The following FNDC3A variants were observed in gnomAD, a reference collection of about 807,000 sequenced individuals.
The protein encoded by FNDC3A is fibronectin type-III domain-containing protein 3A.
In FNDC3A, 32 loss-of-function variants were observed where a neutral mutation model predicts 148.9. That is an observed-to-expected ratio of 0.21 (90% CI 0.16 to 0.29). FNDC3A has a LOEUF of 0.29. Ranked by LOEUF, FNDC3A falls within the 10% of genes least tolerant of loss-of-function variation. FNDC3A has a pLI of 1.00. For missense variants in FNDC3A, 1,191 were observed against 1,452.8 expected, an observed-to-expected ratio of 0.82 and a Z score of 2.93; for synonymous variants, 472 against 473.6, an observed-to-expected ratio of 1.00 and a Z score of 0.04.
At chr13:49,189,862 C>T (rs1170332971) in intron 17 of FNDC3A, among the ~76,000 whole-genome samples, 1 of 152,150 alleles carries the variant, frequency 6.6e-6, no homozygotes, top group Admixed American at 6.5e-5. Flanking sequence ...TAATATGTTG[C>T]AAGTAAGTAA....
chr13:49,027,798 G>T (rs539395772), intron 2 of FNDC3A, among the ~76,000 whole-genome samples: 1 of 152,134 alleles, frequency 6.6e-6, no homozygotes, highest in South Asian at 2.1e-4. Context: ...GAACAAAAAA[G>T]ATATAATATC....
Position 49,006,293 on chromosome 13 carries a change from A to T in FNDC3A, c.99+4A>T, listed in dbSNP as rs1566185925. 3 of 1,531,394 alleles carry T rather than the reference A, an allele frequency of 2.0e-6. No homozygotes were observed. The highest frequency in any genetic ancestry group is 2.3e-5 in the South Asian group (2 of 88,564). 94.9% of individuals were successfully genotyped at this position (1,531,394 alleles called of 1,614,324 possible). ...AAGTGCAGATGGAACACAACAGGTA[A>T]GAAAACTGAAATGTTTATTTCTTTA... On this transcript the variant is annotated splice_donor_region_variant and intron_variant, in intron 2 of 25. Coordinates refer to ENST00000492622, the MANE Select transcript of FNDC3A (RefSeq NM_001079673.2).
At chr13:49,122,446 G>A (rs1881415368) in intron 4 of FNDC3A, among the ~76,000 whole-genome samples, 1 of 152,166 alleles carries the variant, frequency 6.6e-6, no homozygotes, top group Non-Finnish European at 1.5e-5. Context: ...CAGAAGACAA[G>A]GATGCCCTCT....
At chr13:48,982,544 G>A (rs901434479) in intron 1 of FNDC3A, among the ~76,000 whole-genome samples, 1 of 152,126 alleles carries the variant, frequency 6.6e-6, no homozygotes, top group Non-Finnish European at 1.5e-5. Flanking sequence ...TGGGTAAAAT[G>A]TAGGGGCTAC....
chr13:49,167,072 G>T (rs1884504984), intron 8 of FNDC3A, among the ~76,000 whole-genome samples, 172 bp from the exon 9 acceptor site: 1 of 152,190 alleles, frequency 6.6e-6, no homozygotes, highest in African/African-American at 2.4e-5. Context: ...CACATGTTAA[G>T]TTTGTTACAT....
chr13:49,178,242 G>C (rs116799146), intron 13 of FNDC3A, among the ~76,000 whole-genome samples: 153 of 152,302 alleles, frequency 1.0e-3, no homozygotes, highest in African/African-American at 3.6e-3. Context: ...GGAAATCTCT[G>C]TTCTTGGGAT....
At chr13:49,118,253 T>C (rs1881093854) in intron 4 of FNDC3A, among the ~76,000 whole-genome samples, 4 of 149,974 alleles carry the variant, frequency 2.7e-5, no homozygotes, top group African/African-American at 9.8e-5. Flanking sequence ...GCAAAAGGGG[T>C]CGGGGAGCTC....
At chr13:49,190,378 C>T (rs1885821985) in intron 17 of FNDC3A, among the ~76,000 whole-genome samples, 1 of 152,066 alleles carries the variant, frequency 6.6e-6, no homozygotes, top group African/African-American at 2.4e-5. Flanking sequence ...ATAAGTTAAG[C>T]TTGGTGCAGT....
intron 14 of FNDC3A, among the ~76,000 whole-genome samples, chr13:49,183,868 G>T (rs1240767345): frequency 2.6e-5 from 4 of 152,184 alleles, no homozygotes; most frequent in Non-Finnish European, 5.9e-5. Flanking sequence ...TAGCATCATA[G>T]TCCCCATCTA....
chr13:49,092,740 C>T (rs1285994013), intron 3 of FNDC3A, among the ~76,000 whole-genome samples: 2 of 150,940 alleles, frequency 1.3e-5, no homozygotes, highest in South Asian at 2.1e-4. Context: ...TTTTGAGACT[C>T]TTTCTGACCA....
intron 4 of FNDC3A, 94 bp from the exon 5 acceptor site, chr13:49,131,043 G>A (rs139782290): frequency 5.6e-4 from 524 of 931,688 alleles, no homozygotes; most frequent in Middle Eastern, 4.6e-3. Context: ...TGGGACTAGA[G>A]GCATGAGCTA....
At chr13:49,158,506 A>AGAC (rs1174008855) in intron 8 of FNDC3A, among the ~76,000 whole-genome samples, 3 of 152,222 alleles carry the variant, frequency 2.0e-5, no homozygotes, top group Non-Finnish European at 2.9e-5. Context: ...TGGGAGCTGT[A>AGAC]GACCGGAGCT....
chr13:49,164,649 CCCAGG>C (rs1024597351), intron 8 of FNDC3A, among the ~76,000 whole-genome samples: 1 of 151,592 alleles, frequency 6.6e-6, no homozygotes, highest in Non-Finnish European at 1.5e-5. Flanking sequence ...GCTCTTGTTG[CCCAGG>C]CTGGAGTGCT....
At chr13:49,170,234 C>A (rs1159451214) in intron 10 of FNDC3A, among the ~76,000 whole-genome samples, 2 of 152,064 alleles carry the variant, frequency 1.3e-5, no homozygotes, top group Non-Finnish European at 2.9e-5. Flanking sequence ...GTATTATATA[C>A]CTCAGAGTCG....
At chr13:49,049,689 A>C (rs1340265195) in intron 2 of FNDC3A, among the ~76,000 whole-genome samples, 1 of 134,446 alleles carries the variant, frequency 7.4e-6, no homozygotes, top group Non-Finnish European at 1.7e-5. Flanking sequence ...GCTTATTTGG[A>C]TCTTCTCTCT....
intron 11 of FNDC3A, 68 bp from the exon 12 acceptor site, chr13:49,174,367 G>C: frequency 7.6e-7 from 1 of 1,324,268 alleles, no homozygotes; most frequent in African/African-American, 1.5e-5. Flanking sequence ...CTGTCAAGAA[G>C]GAATTGATGC....
intron 4 of FNDC3A, among the ~76,000 whole-genome samples, chr13:49,120,685 G>C (rs1288860677): frequency 6.6e-6 from 1 of 151,346 alleles, no homozygotes; most frequent in Non-Finnish European, 1.5e-5. Flanking sequence ...AAAAAAGCAG[G>C]AGTTGCAATC....
intron 8 of FNDC3A, among the ~76,000 whole-genome samples, chr13:49,153,463 T>C (rs1214653299): frequency 3.3e-5 from 5 of 152,076 alleles, no homozygotes; most frequent in Non-Finnish European, 7.4e-5. Context: ...TCCCATTTTG[T>C]AGGTTGCCTG....
intron 2 of FNDC3A, among the ~76,000 whole-genome samples, chr13:49,017,467 C>T (rs1036439046): frequency 6.6e-6 from 1 of 152,104 alleles, no homozygotes; most frequent in African/African-American, 2.4e-5. Flanking sequence ...GATCTTCCTC[C>T]ATCCTTTTAT....
Sources: allele counts gnomAD v4.1 joint callset (sites outside exome capture counted in the v4.1 genomes callset), GRCh38; gene constraint gnomAD v4.1.1; transcripts MANE v1.5; gene names NCBI Gene and HGNC (gene_info 2026-07-23, HGNC 2026-07-21).